TJP1: variants seen among roughly 807,000 people sequenced by gnomAD.
TJP1 encodes the protein tight junction protein ZO-1.
A neutral mutation model predicts 194.2 loss-of-function variants in TJP1; 43 were observed. The observed-to-expected ratio is 0.22, with a 90% CI of 0.17 to 0.29. TJP1 has a LOEUF of 0.29. Ranked by LOEUF, TJP1 falls within the 10% of genes least tolerant of loss-of-function variation. TJP1 has a pLI of 1.00. For missense variants in TJP1, 1,971 were observed against 2,185.7 expected, an observed-to-expected ratio of 0.90 and a Z score of 1.96; for synonymous variants, 801 against 779.0, an observed-to-expected ratio of 1.03 and a Z score of -0.47.
chr15:29,730,585 ACT>A, intron 15 of TJP1: 3 of 526,080 alleles, frequency 5.7e-6, no homozygotes, highest in South Asian at 1.6e-5. Context: ...CAAGAGTGAG[ACT>A]CTGTCTCTGA....
In TJP1 at chr15:29,870,250, C is replaced by A. The variant is rs188642313; in HGVS notation, c.307-69548G>T. ...TGTGTAAATCAGATAAACTAGCTAG[C>A]TAGAAGTACTAGTGGGCAGGTTAAA... On this transcript the variant is annotated intron_variant, in intron 2 of 28. Coordinates refer to the TJP1 transcript ENST00000356107. 6.6e-5 allele frequency among the ~76,000 whole-genome samples: 10 copies of A among 151,932 alleles called. No homozygotes were observed. In the East Asian group the frequency reaches 1.9e-3, roughly 29 times the overall value.
intron 1 of TJP1, among the ~76,000 whole-genome samples, chr15:29,967,079 C>T (rs535081768): frequency 5.4e-4 from 82 of 151,012 alleles, no homozygotes; most frequent in African/African-American, 1.8e-3. Context: ...AGTGGCATGA[C>T]CTTGGCTCAC....
chr15:29,814,680 C>T (rs77489165), intron 1 of TJP1, among the ~76,000 whole-genome samples: 1 of 152,004 alleles, frequency 6.6e-6, no homozygotes, highest in African/African-American at 2.4e-5. Flanking sequence ...ATTAATTAAA[C>T]CAGGTATACG....
At chr15:29,924,047 T>C in intron 2 of TJP1, among the ~76,000 whole-genome samples, 1 of 152,202 alleles carries the variant, frequency 6.6e-6, no homozygotes, top group East Asian at 1.9e-4. Context: ...TAAAATTTCT[T>C]ATCCTTTAAT....
At chr15:29,935,298 T>C (rs914492800) in intron 2 of TJP1, among the ~76,000 whole-genome samples, 35 of 152,176 alleles carry the variant, frequency 2.3e-4, no homozygotes, top group African/African-American at 8.2e-4. Flanking sequence ...TTCCTTACAT[T>C]TACCTTCTAA....
At chr15:29,931,297 C>T (rs755093617) in intron 2 of TJP1, among the ~76,000 whole-genome samples, 2 of 151,982 alleles carry the variant, frequency 1.3e-5, no homozygotes, top group African/African-American at 4.8e-5. Context: ...TCAGGGGTGG[C>T]AGAGGCAGAA....
chr15:29,818,004 CTTAA>C (rs912975542), intron 1 of TJP1, among the ~76,000 whole-genome samples: 2 of 150,628 alleles, frequency 1.3e-5, no homozygotes, highest in Admixed American at 6.6e-5. Flanking sequence ...GATCCCAGAA[CTTAA>C]TTAAAAAAAA....
chr15:29,958,675 A>G (rs1379252184), intron 1 of TJP1, among the ~76,000 whole-genome samples: 1 of 152,106 alleles, frequency 6.6e-6, no homozygotes, highest in African/African-American at 2.4e-5. Context: ...ACACACACAC[A>G]CATAAACTCA....
At chr15:29,715,238 G>A (rs952000653) in intron 23 of TJP1, among the ~76,000 whole-genome samples, 11 of 152,216 alleles carry the variant, frequency 7.2e-5, no homozygotes, top group African/African-American at 2.2e-4. Flanking sequence ...ACACCATCTA[G>A]ATGCCACAAC....
chr15:29,826,597 C>CT (rs1400894273), upstream of TJP1, among the ~76,000 whole-genome samples: 3 of 152,322 alleles, frequency 2.0e-5, no homozygotes, highest in East Asian at 3.9e-4. Context: ...CATCTTCCCC[C>CT]CAAGGGTTAT....
rs1156269561 is a variant in TJP1, at chr15:29,708,722, A to C, written c.4687T>G (p.Leu1563Val). 22 of 1,614,124 alleles carry C rather than the reference A, an allele frequency of 1.4e-5. No homozygotes were observed. Among genetic ancestry groups the C allele is most frequent in the Non-Finnish European group, 1.8e-5 (21 of 1,180,054 alleles). ...LPSETAHKPDLSSKTPTSPKT... is the reference protein window; with the variant it reads ...LPSETAHKPDVSSKTPTSPKT... ...GGAGAAGTGGGAGTTTTTGAAGACA[A>C]GTCAGGTTTATGTGCAGTTTCACTT... The change falls in exon 25 of 28, where the codon TTG becomes GTG. Residue 1563 changes from leucine (L) to valine (V), a missense_variant. Leu to Val is a conservative substitution (Grantham distance 32). Transcript: ENST00000614355.
intron 11 of TJP1, among the ~76,000 whole-genome samples, chr15:29,736,624 G>A (rs1002900881): frequency 1.3e-5 from 2 of 152,202 alleles, no homozygotes; most frequent in Non-Finnish European, 1.5e-5. Flanking sequence ...ATGTCACTAG[G>A]TGAAACCGTT....
chr15:29,720,480 C>A lies in TJP1; in HGVS notation c.2641G>T (p.Val881Leu). ...ESAITRSSEP[V>L]REDSSGMHHE... ...TGCATTCCAGAGGAGTCCTCTCTTA[C>A]AGGCTCAGAGGACCGTGTAATGGCA... The change falls in exon 19 of 28, where the codon GTA (valine) becomes TTA (leucine). Residue 881 changes from valine to leucine, a missense_variant. By Grantham distance (32) the Val-to-Leu change is conservative. This residue lies in a region of TJP1 where 1,108 missense variants were observed against 1,128.5 expected (regional missense o/e 0.98). Transcript: ENST00000614355. 6.2e-7 allele frequency: 1 copy of A among 1,614,146 alleles called. No individual in the cohort carries two copies. The highest frequency in any genetic ancestry group is 8.5e-7 in the Non-Finnish European group (1 of 1,180,036).
chr15:29,948,427 G>T (rs2055358829), intron 2 of TJP1, among the ~76,000 whole-genome samples: 1 of 151,984 alleles, frequency 6.6e-6, no homozygotes, highest in Non-Finnish European at 1.5e-5. Context: ...CTTTTCCTTT[G>T]GTCAAAGAAC....
intron 2 of TJP1, among the ~76,000 whole-genome samples, chr15:29,890,282 A>G (rs1054784850): frequency 6.6e-6 from 1 of 152,242 alleles, no homozygotes; most frequent in African/African-American, 2.4e-5. Flanking sequence ...TTGAAGCGAA[A>G]TAAGAGATAA....
At position 29,962,039 on chromosome 15, in the gene TJP1, C is replaced by T. The variant is rs1283265812; in HGVS notation, c.174-5675G>A. Among the ~76,000 whole-genome samples, 6 of 152,220 alleles carry T rather than the reference C, an allele frequency of 3.9e-5. No homozygotes were observed. In the South Asian group the frequency reaches 6.2e-4, roughly 16 times the overall value. On this transcript the variant is annotated intron_variant, in intron 1 of 28. Transcript: ENST00000356107. ...GTCACACCTACAAAGCTCTGTTGGGCGCTCTGCTGGCTACAGGCCAAATGT... is the reference window on the plus strand; with the variant it reads ...GTCACACCTACAAAGCTCTGTTGGGTGCTCTGCTGGCTACAGGCCAAATGT...
intron 2 of TJP1, among the ~76,000 whole-genome samples, chr15:29,939,598 C>T (rs2054997558): frequency 6.6e-6 from 1 of 152,120 alleles, no homozygotes; most frequent in African/African-American, 2.4e-5. Context: ...AGGAAAAATA[C>T]CACCCAGCTA....
rs147965934 is a variant in TJP1 at position 29,784,721 on chromosome 15, A to G, written c.85-11364T>C. On this transcript the variant is annotated intron_variant, in intron 2 of 27. Transcript: ENST00000614355. ...TGATCTCATCCTAAGGAATCTAATA[A>G]TATTCTGACAATCAAAATGACGAGA... 8.9e-3 allele frequency among the ~76,000 whole-genome samples: 1,350 copies of G among 152,308 alleles called. 10 individuals are homozygous for G. Among genetic ancestry groups the G allele is most frequent in the Middle Eastern group, 0.031 (9 of 294 alleles).
chr15:29,755,066 C>A (rs559757749), intron 8 of TJP1, among the ~76,000 whole-genome samples: 1 of 152,158 alleles, frequency 6.6e-6, no homozygotes, highest in Non-Finnish European at 1.5e-5. Context: ...CAATAGTGGT[C>A]CCTGAAGATT....
Sources: allele counts gnomAD v4.1 joint callset (sites outside exome capture counted in the v4.1 genomes callset), GRCh38; gene constraint gnomAD v4.1.1; regional missense constraint gnomAD v4.1.1; transcripts MANE v1.5; gene names NCBI Gene and HGNC (gene_info 2026-07-23, HGNC 2026-07-21).